Variants in LTBP1 observed in about 807,000 individuals in gnomAD.
The protein encoded by LTBP1 is latent transforming growth factor beta binding protein 1, also known as latent-transforming growth factor beta-binding protein 1.
A neutral mutation model predicts 207.6 loss-of-function variants in LTBP1; 129 were observed. The observed-to-expected ratio is 0.62, with a 90% CI of 0.54 to 0.72. The LOEUF is 0.72. LTBP1 is among the 30% of genes least tolerant of loss of function. The pLI is 0.00. For synonymous variants in LTBP1, 963 were observed against 833.7 expected, an observed-to-expected ratio of 1.16 and a Z score of -2.67; for missense variants, 2,281 against 2,217.2, an observed-to-expected ratio of 1.03 and a Z score of -0.58.
intron 7 of LTBP1, among the ~76,000 whole-genome samples, chr2:33,203,563 G>A (rs1181439074): frequency 6.6e-6 from 1 of 152,122 alleles, no homozygotes; most frequent in African/African-American, 2.4e-5. Flanking sequence ...CCACCTGCCC[G>A]GACCTGTTTA....
chr2:33,218,193 T>C (rs1268133989), intron 8 of LTBP1, among the ~76,000 whole-genome samples: 1 of 152,246 alleles, frequency 6.6e-6, no homozygotes, highest in African/African-American at 2.4e-5. Context: ...TCCCATTTTT[T>C]CTGACACTGG....
chr2:33,037,960 C>A (rs35434665), intron 3 of LTBP1, among the ~76,000 whole-genome samples: 12,506 of 152,246 alleles, frequency 0.082, 720 homozygotes, highest in Non-Finnish European at 0.13. Flanking sequence ...CTCAAGCAGT[C>A]CCCCTGCCTT....
chr2:33,199,470 T>A (rs1404174375), intron 7 of LTBP1, among the ~76,000 whole-genome samples: 4 of 152,170 alleles, frequency 2.6e-5, no homozygotes, highest in African/African-American at 9.7e-5. Context: ...TGATGGGATG[T>A]ATCTCAAAAT....
rs201873946 is a variant in LTBP1, at chr2:32,969,229, TTGTGTG to T, written c.565+20322_565+20327del. On this transcript the variant is annotated intron_variant, in intron 2 of 33. Transcript: ENST00000404816. The stretch of plus-strand genomic sequence containing the variant: ...GTGTGAGCCATGGCACCTGGCCAAT[TTGTGTG>T]TGTGTGTGTGTGTGTGTGTGTGTGT... 8.6e-3 allele frequency among the ~76,000 whole-genome samples: 1,126 copies of T among 131,674 alleles called. 16 individuals are homozygous for T. The highest frequency in any genetic ancestry group is 0.028 in the African/African-American group (965 of 34,248). The allele number at this position is 131,674 out of a possible 152,430, so 86.4% of individuals were successfully genotyped here.
At chr2:33,318,151 A>T (rs2094299986) in intron 24 of LTBP1, among the ~76,000 whole-genome samples, 1 of 152,186 alleles carries the variant, frequency 6.6e-6, no homozygotes, top group Admixed American at 6.5e-5. Flanking sequence ...CCCCCAAAAA[A>T]AATCCCAAAT....
chr2:32,993,513 G>C (rs1228060533), intron 2 of LTBP1, among the ~76,000 whole-genome samples: 1 of 152,140 alleles, frequency 6.6e-6, no homozygotes, highest in Non-Finnish European at 1.5e-5. Flanking sequence ...GGAAATCCTT[G>C]CTCTCCCAGA....
At chr2:33,228,704 T>C (rs1415011122) in intron 9 of LTBP1, among the ~76,000 whole-genome samples, 2 of 127,176 alleles carry the variant, frequency 1.6e-5, no homozygotes, top group Admixed American at 1.6e-4. Context: ...ACCCTTTTTT[T>C]TTTTTTTTTT....
In LTBP1 at chr2:33,228,802, C is replaced by T. The variant is rs537124998; in HGVS notation, c.1876+6651C>T. On this transcript the variant is annotated intron_variant, in intron 9 of 33. Transcript: ENST00000404816. ...GCAATCTCCGCCTCCTGGGTTCAAG[C>T]GATTCCCCTGCCTCGGCCTCCCAAG... is the stretch of plus-strand genomic sequence containing the variant. 6.1e-5 allele frequency among the ~76,000 whole-genome samples: 9 copies of T among 147,956 alleles called. No individual in the cohort carries two copies. In the East Asian group the frequency reaches 1.8e-3, roughly 30 times the overall value.
At chr2:33,277,809 C>CT (rs1159456025) in intron 18 of LTBP1, among the ~76,000 whole-genome samples, 2 of 105,724 alleles carry the variant, frequency 1.9e-5, no homozygotes, top group African/African-American at 4.1e-5. Flanking sequence ...CTCTCTCTTT[C>CT]TTTTTTTCTT....
Position 33,186,902 on chromosome 2 carries a change from G to A in LTBP1, c.1248G>A (p.Arg416=), listed in dbSNP as rs773782781. 1.9e-6 allele frequency: 3 copies of A among 1,613,966 alleles called. No individual in the cohort carries two copies. The highest frequency in any genetic ancestry group is 2.7e-5 in the African/African-American group (2 of 74,874). The part of the protein sequence containing the change: ...PCMNGGQCSS[R]DKCQCPPNFT... Reference sequence around the variant, plus strand: ...TGAATGGTGGCCAGTGCAGTTCAAGGGACAAATGTCAGTGCCCTCCAAATT... The same window carrying A: ...TGAATGGTGGCCAGTGCAGTTCAAGAGACAAATGTCAGTGCCCTCCAAATT... Residue 416 remains arginine (R), a synonymous_variant, in exon 6 of 34, where the codon AGG becomes AGA. Coordinates refer to ENST00000404816, the MANE Select transcript of LTBP1 (RefSeq NM_206943.4).
chr2:33,102,023 A>G (rs2079768506), intron 3 of LTBP1, among the ~76,000 whole-genome samples: 1 of 152,118 alleles, frequency 6.6e-6, no homozygotes, highest in African/African-American at 2.4e-5. Flanking sequence ...GTGTCCAGGC[A>G]ACTTGAGTAT....
chr2:33,260,266 A>G (rs2092974314), intron 13 of LTBP1, among the ~76,000 whole-genome samples: 1 of 152,162 alleles, frequency 6.6e-6, no homozygotes, highest in Non-Finnish European at 1.5e-5. Context: ...TAATAAAAAC[A>G]TCCATTTTCA....
At chr2:32,962,836 A>G (rs1048928523) in intron 2 of LTBP1, among the ~76,000 whole-genome samples, 3 of 152,198 alleles carry the variant, frequency 2.0e-5, no homozygotes, top group Middle Eastern at 3.2e-3. Context: ...TAGAAATGCA[A>G]ACTCTCCAGC....
chr2:33,182,207 C>T (rs2086710597), intron 5 of LTBP1, among the ~76,000 whole-genome samples: 1 of 152,010 alleles, frequency 6.6e-6, no homozygotes, highest in Non-Finnish European at 1.5e-5. Context: ...ATTGCTGTAT[C>T]CACGTATGCT....
intron 3 of LTBP1, among the ~76,000 whole-genome samples, chr2:33,098,578 G>A (rs1383619971): frequency 2.0e-5 from 3 of 151,544 alleles, no homozygotes; most frequent in East Asian, 1.9e-4. Context: ...GACTACAGGC[G>A]CATGCCACCA....
chr2:33,292,448 C>T (rs573693333), intron 19 of LTBP1, among the ~76,000 whole-genome samples: 1 of 152,328 alleles, frequency 6.6e-6, no homozygotes, highest in East Asian at 1.9e-4. Context: ...CTTCTCTAAG[C>T]TTCAGTTCCT....
chr2:33,164,372 A>G (rs199736115), intron 5 of LTBP1, among the ~76,000 whole-genome samples: 2,273 of 149,960 alleles, frequency 0.015, 102 homozygotes, highest in East Asian at 0.026. Flanking sequence ...AAAAAAAAAA[A>G]AAAAAAAAGA....
intron 26 of LTBP1, among the ~76,000 whole-genome samples, chr2:33,359,011 C>T (rs1162699667): frequency 6.6e-6 from 1 of 152,154 alleles, no homozygotes; most frequent in Non-Finnish European, 1.5e-5. Flanking sequence ...TACCCAATTT[C>T]ACACACAAGG....
rs1005633668 is a variant in LTBP1 at position 33,263,910 on chromosome 2, G to A, written c.2617+518G>A. ...GGAGATCGCAGTGAGCCAAGATCAC[G>A]CCACTGCACTCCAGCCTGGTGACAG... On this transcript the variant is annotated intron_variant, in intron 15 of 33. Transcript: ENST00000404816. Among the ~76,000 whole-genome samples, 339 of 146,214 alleles carry A rather than the reference G, an allele frequency of 2.3e-3. 1 individual carries two copies. The highest frequency in any genetic ancestry group is 7.9e-3 in the African/African-American group (310 of 39,074).
Sources: allele counts gnomAD v4.1 joint callset (sites outside exome capture counted in the v4.1 genomes callset), GRCh38; gene constraint gnomAD v4.1.1; transcripts MANE v1.5; gene names NCBI Gene and HGNC (gene_info 2026-07-23, HGNC 2026-07-21).